IRAG2: variants seen among roughly 807,000 people sequenced by gnomAD.
The protein encoded by IRAG2 is lymphoid restricted membrane protein.
In IRAG2, 45 loss-of-function variants were observed where a neutral mutation model predicts 69.9. The ratio of observed to expected loss-of-function variants is 0.64; its 90% confidence interval spans 0.51 to 0.83. The LOEUF is 0.83. IRAG2 is among the 40% of genes least tolerant of loss of function. The pLI, the probability that IRAG2 is intolerant of heterozygous loss-of-function variation, is 0.00. For missense variants in IRAG2, 520 were observed against 587.0 expected (o/e 0.89, Z 1.18); for synonymous variants, 193 against 202.4 (o/e 0.95, Z 0.40).
upstream of IRAG2, among the ~76,000 whole-genome samples, chr12:25,051,603 C>T (rs981620770): frequency 5.9e-5 from 9 of 152,080 alleles, no homozygotes; most frequent in South Asian, 2.1e-4. Flanking sequence ...TGAGGTGTAA[C>T]GTAATGGCAC....
At chr12:25,020,646 T>C (rs1944570868) in intron 6 of IRAG2, 2 of 395,594 alleles carry the variant, frequency 5.1e-6, no homozygotes, top group South Asian at 1.4e-4. Context: ...TGAAAGATCA[T>C]GGGTATATTT....
In IRAG2 at chr12:25,011,684, A is replaced by G. The variant is rs1944475689; in HGVS notation, c.896+133A>G. On this transcript the variant is annotated intron_variant, in intron 3 of 38. Transcript: ENST00000636465. ...TTTAGCATGCATTAGAATCACCTGAATGATGTTAAACCTGATTGCTGGGGT... is the reference window on the plus strand; with the variant it reads ...TTTAGCATGCATTAGAATCACCTGAGTGATGTTAAACCTGATTGCTGGGGT... 7 of 580,478 alleles carry G rather than the reference A, an allele frequency of 1.2e-5. No individual in the cohort carries two copies. In the South Asian group the frequency reaches 5.6e-4, roughly 47 times the overall value. The allele number at this position is 580,478 out of a possible 1,614,324, so 36.0% of individuals were successfully genotyped here.
upstream of IRAG2, among the ~76,000 whole-genome samples, chr12:25,003,343 GTCTAA>G (rs1391245291): frequency 1.3e-5 from 2 of 152,030 alleles, no homozygotes; most frequent in Admixed American, 6.6e-5. Context: ...AAAAATATCT[GTCTAA>G]TCTAATCTAA....
intron 6 of IRAG2, among the ~76,000 whole-genome samples, chr12:25,076,027 G>A (rs1428216943): frequency 6.6e-6 from 1 of 151,978 alleles, no homozygotes; most frequent in Non-Finnish European, 1.5e-5. Context: ...AACCCCTTGA[G>A]GGTTTCATCT....
At chr12:25,054,359 G>A (rs1043901722) in intron 1 of IRAG2, among the ~76,000 whole-genome samples, 1 of 152,096 alleles carries the variant, frequency 6.6e-6, no homozygotes, top group Non-Finnish European at 1.5e-5. Context: ...ACTGTGCCCA[G>A]GACTATTCTT....
chr12:25,050,150 A>G (rs1344466381), upstream of IRAG2, among the ~76,000 whole-genome samples: 2 of 151,854 alleles, frequency 1.3e-5, no homozygotes, highest in Non-Finnish European at 2.9e-5. Context: ...CAAAAAACAA[A>G]TAAAAAAAAG....
chr12:25,102,176 G>A (rs2140244052), intron 16 of IRAG2, 22 bp from the exon 17 acceptor site: 3 of 1,607,624 alleles, frequency 1.9e-6, no homozygotes, highest in Non-Finnish European at 2.6e-6. Context: ...GCTAAAATGT[G>A]TCAATGTGTT....
chr12:25,023,638 C>A (rs1014772359), intron 7 of IRAG2, among the ~76,000 whole-genome samples: 1 of 152,102 alleles, frequency 6.6e-6, no homozygotes, highest in Non-Finnish European at 1.5e-5. Context: ...TCTTTTCCTC[C>A]CTAACAACCA....
In IRAG2 at chr12:25,108,042, T is replaced by A; in HGVS notation, c.1482T>A (p.Asn494Lys). 1 of 1,614,050 alleles carries A rather than the reference T, an allele frequency of 6.2e-7. No homozygotes were observed. The highest frequency in any genetic ancestry group is 1.3e-5 in the African/African-American group (1 of 75,046). ...GGCCATTTACCAGACTCCGACACAA[T>A]GGGCCACCACCAGTGTGACAGCAGG... ...ILWPFTRLRHNGPPPV is the reference protein window; with the variant it reads ...ILWPFTRLRHKGPPPV The change falls in exon 22 of 22, where the codon AAT becomes AAA. Residue 494 changes from asparagine to lysine, a missense_variant. Asn to Lys is a moderately conservative substitution (Grantham distance 94, BLOSUM62 0). Coordinates refer to ENST00000556887, the MANE Select transcript of IRAG2 (RefSeq NM_001366544.2).
intron 8 of IRAG2, chr12:25,026,732 G>A (rs1944625050): frequency 3.7e-6 from 3 of 821,362 alleles, no homozygotes; most frequent in Non-Finnish European, 4.9e-6. Context: ...GACTTTGTTT[G>A]TCCTCATCTT....
chr12:25,042,541 C>T (rs1257573906), intron 16 of IRAG2, among the ~76,000 whole-genome samples: 1 of 152,072 alleles, frequency 6.6e-6, no homozygotes, highest in African/African-American at 2.4e-5. Flanking sequence ...TCTTGGCTCA[C>T]TGCAGCCTCT....
intron 6 of IRAG2, among the ~76,000 whole-genome samples, 193 bp downstream of exon 6, chr12:25,069,624 T>C (rs1946197537): frequency 6.6e-6 from 1 of 152,244 alleles, no homozygotes; most frequent in South Asian, 2.1e-4. Context: ...ATTAAAATTA[T>C]TTAATATGAG....
At chr12:25,057,440 G>A (rs1228542776) in intron 1 of IRAG2, among the ~76,000 whole-genome samples, 2 of 150,964 alleles carry the variant, frequency 1.3e-5, no homozygotes, top group African/African-American at 4.9e-5. Context: ...TAAATTTTTT[G>A]TAGAGGTAGG....
At chr12:25,053,254 G>A (rs1015553099) in intron 1 of IRAG2, among the ~76,000 whole-genome samples, 3 of 151,012 alleles carry the variant, frequency 2.0e-5, no homozygotes, top group Non-Finnish European at 4.4e-5. Context: ...AAGTAAACAA[G>A]GAGAAAAATC....
intron 1 of IRAG2, among the ~76,000 whole-genome samples, chr12:25,054,767 T>G (rs1307987533): frequency 6.6e-6 from 1 of 152,226 alleles, no homozygotes; most frequent in African/African-American, 2.4e-5. Flanking sequence ...AGGATTTTGC[T>G]TATATGACCA....
chr12:25,098,013 C>A (rs759442316), intron 15 of IRAG2, among the ~76,000 whole-genome samples: 1 of 152,198 alleles, frequency 6.6e-6, no homozygotes, highest in Non-Finnish European at 1.5e-5. Flanking sequence ...CCCATCACAC[C>A]TTTTCACTGT....
chr12:25,082,556 C>T (rs984124635), intron 9 of IRAG2, among the ~76,000 whole-genome samples: 20 of 151,414 alleles, frequency 1.3e-4, no homozygotes, highest in African/African-American at 3.9e-4. Context: ...GCTGAGACTG[C>T]GCCACTGCCC....
At chr12:25,079,334 A>C (rs887458987) in intron 7 of IRAG2, 44 bp downstream of exon 7, 1 of 1,610,160 alleles carries the variant, frequency 6.2e-7, no homozygotes, top group Admixed American at 1.7e-5. Flanking sequence ...ATGCATATTT[A>C]GTTGGTTTTA....
intron 1 of IRAG2, chr12:25,005,097 T>C: frequency 2.0e-6 from 1 of 492,760 alleles, no homozygotes; most frequent in South Asian, 1.1e-4. Flanking sequence ...TGGGAATACT[T>C]AGATATAGGG....
Sources: allele counts gnomAD v4.1 joint callset (sites outside exome capture counted in the v4.1 genomes callset), GRCh38; gene constraint gnomAD v4.1.1; transcripts MANE v1.5; gene names NCBI Gene and HGNC (gene_info 2026-07-23, HGNC 2026-07-21).